URB1: variants seen among roughly 807,000 people sequenced by gnomAD.
The protein encoded by URB1 is URB1 ribosome biogenesis factor.
A neutral mutation model predicts 242.3 loss-of-function variants in URB1; 197 were observed. That is an observed-to-expected ratio of 0.81 (90% CI 0.72 to 0.91). URB1 has a LOEUF of 0.91. Ranked by LOEUF, URB1 falls within the 40% of genes least tolerant of loss-of-function variation. The probability of loss-of-function intolerance (pLI) is 0.00; values close to 1 mark genes in which losing one functional copy is unlikely to be tolerated. For missense variants in URB1, 2,721 were observed against 2,860.5 expected, an observed-to-expected ratio of 0.95 and a Z score of 1.11; for synonymous variants, 1,153 against 1,201.8, an observed-to-expected ratio of 0.96 and a Z score of 0.84.
At chr21:32,388,092 G>A (rs575762676) in intron 1 of URB1, among the ~76,000 whole-genome samples, 112 of 152,150 alleles carry the variant, frequency 7.4e-4, no homozygotes, top group Non-Finnish European at 1.4e-3. Context: ...CACATCTGCC[G>A]GGGACGCATG....
intron 9 of URB1, 28 bp downstream of exon 9, chr21:32,368,375 C>G: frequency 6.6e-7 from 1 of 1,506,516 alleles, no homozygotes; most frequent in African/African-American, 1.4e-5. Flanking sequence ...GCTTAGCTAA[C>G]AGACTTTTAA....
Position 32,314,646 on chromosome 21 carries a change from C to T in URB1, c.*272G>A, listed in dbSNP as rs140113354. The T allele has an allele frequency of 2.8e-3, 4,466 of 1,614,078 alleles. 38 individuals are homozygous for T. Among genetic ancestry groups the T allele is most frequent in the Middle Eastern group, 0.017 (106 of 6,060 alleles). ...CTCCAAGCCCCTAGAGAGGAAGGGG[C>T]GGCCTGACGAGGCACTGGATGGGCC... is the stretch of plus-strand genomic sequence containing the variant. On this transcript the variant is annotated 3_prime_UTR_variant, in exon 39 of 39. Coordinates refer to ENST00000382751, the MANE Select transcript of URB1 (RefSeq NM_014825.3).
At chr21:32,384,286 T>C in intron 3 of URB1, 27 bp downstream of exon 3, 1 of 1,542,516 alleles carries the variant, frequency 6.5e-7, no homozygotes, top group Non-Finnish European at 8.8e-7. Flanking sequence ...AGGCCCATCC[T>C]TTGTCACACC....
intron 28 of URB1, among the ~76,000 whole-genome samples, chr21:32,336,099 C>T (rs554824602): frequency 6.6e-6 from 1 of 152,328 alleles, no homozygotes; most frequent in East Asian, 1.9e-4. Flanking sequence ...ACATAACTGA[C>T]ATAGCACCAG....
At chr21:32,352,990 C>T (rs1485317544) in intron 18 of URB1, 84 bp from the exon 19 acceptor site, 5 of 1,392,676 alleles carry the variant, frequency 3.6e-6, no homozygotes, top group East Asian at 5.0e-5. Flanking sequence ...CTTCCACATA[C>T]AGGCAAGACC....
chr21:32,322,641 C>A, intron 32 of URB1, 57 bp from the exon 33 acceptor site: 1 of 1,294,622 alleles, frequency 7.7e-7, no homozygotes, highest in South Asian at 1.3e-5. Context: ...GCCCCCTGGT[C>A]TGGCAGCACT....
intron 30 of URB1, among the ~76,000 whole-genome samples, chr21:32,328,856 G>A (rs1276036133): frequency 2.6e-5 from 4 of 152,194 alleles, no homozygotes; most frequent in Non-Finnish European, 5.9e-5. Flanking sequence ...TTTAAAAATA[G>A]TTATAAATGC....
chr21:32,361,075 C>A lies in URB1; in HGVS notation c.1688G>T (p.Cys563Phe), dbSNP rs1316687788. The change falls in exon 13 of 39, where the codon TGC (cysteine) becomes TTC (phenylalanine). Residue 563 changes from cysteine to phenylalanine, a missense_variant. Transcript: ENST00000382751. ...GTGGGGGACCACCTTCTGGTAGAGG[C>A]ATATGACCTGGAGCAAAACAGCTTT... Reference protein sequence around the residue: ...LLKAVLLQVICLYQKVVPHVV... With the variant: ...LLKAVLLQVIFLYQKVVPHVV... 5.2e-6 allele frequency: 8 copies of A among 1,549,900 alleles called. No homozygotes were observed. Among genetic ancestry groups the A allele is most frequent in the Non-Finnish European group, 5.2e-6 (6 of 1,146,512 alleles).
chr21:32,327,981 GA>G lies in URB1; in HGVS notation c.4961-2593del, dbSNP rs370380483. ...TGTATGCACTCCAAAATAAAAGGCA[GA>G]GATGGTCAGATTAGATAAAAAGCAG... On this transcript the variant is annotated intron_variant, in intron 30 of 38. Transcript: ENST00000382751. Among the ~76,000 whole-genome samples, 220 of 152,330 alleles carry G rather than the reference GA, an allele frequency of 1.4e-3. 2 individuals are homozygous for G. The Middle Eastern group carries it at 0.027, about 19-fold the overall frequency.
intron 37 of URB1, among the ~76,000 whole-genome samples, chr21:32,317,353 G>A (rs180748965): frequency 2.8e-4 from 43 of 152,366 alleles, no homozygotes; most frequent in Admixed American, 6.5e-4. Context: ...CAGGAGGCCA[G>A]GTTCCAGTCT....
At chr21:32,341,337 C>A in intron 25 of URB1, 129 bp downstream of exon 25, 1 of 874,140 alleles carries the variant, frequency 1.1e-6, no homozygotes, top group Non-Finnish European at 1.7e-6. Context: ...CAACTTCTAT[C>A]TCTAAAAACG....
intron 14 of URB1, 33 bp downstream of exon 14, chr21:32,359,763 T>A (rs1405614178): frequency 2.6e-6 from 4 of 1,515,092 alleles, no homozygotes. Flanking sequence ...GCAGGTAAGC[T>A]TAGGGCAGAA....
At chr21:32,326,788 T>G (rs141311625) in intron 30 of URB1, among the ~76,000 whole-genome samples, 2 of 152,322 alleles carry the variant, frequency 1.3e-5, no homozygotes, top group Non-Finnish European at 2.9e-5. Flanking sequence ...ACACAGACTA[T>G]GAAACCATGA....
At position 32,321,960 on chromosome 21, in the gene URB1, A is replaced by G; in HGVS notation, c.5341-16T>C. 5.8e-6 allele frequency: 9 copies of G among 1,549,868 alleles called. No homozygotes were observed. The highest frequency in any genetic ancestry group is 1.4e-5 in the African/African-American group (1 of 73,156). On this transcript the variant is annotated splice_polypyrimidine_tract_variant and intron_variant, in intron 33 of 38. Transcript: ENST00000382751. Reference sequence around the variant, plus strand: ...CTGTTTTTTGCTATAACCCAGGCACACAAAAAACTGTTGTTAATAAGTGAA... The same window carrying G: ...CTGTTTTTTGCTATAACCCAGGCACGCAAAAAACTGTTGTTAATAAGTGAA...
chr21:32,370,918 G>A (rs995307859), intron 8 of URB1, among the ~76,000 whole-genome samples: 1 of 152,190 alleles, frequency 6.6e-6, no homozygotes, highest in Non-Finnish European at 1.5e-5. Flanking sequence ...TATGTGCCAG[G>A]CACTGTCCTA....
At chr21:32,370,054 G>A (rs1160470057) in intron 8 of URB1, among the ~76,000 whole-genome samples, 1 of 150,884 alleles carries the variant, frequency 6.6e-6, no homozygotes, top group African/African-American at 2.4e-5. Flanking sequence ...TAAAATCCCA[G>A]GATCCACACA....
At chr21:32,379,426 A>G (rs116869397) in intron 4 of URB1, among the ~76,000 whole-genome samples, 16 of 152,354 alleles carry the variant, frequency 1.1e-4, no homozygotes, top group Middle Eastern at 3.4e-3. Flanking sequence ...AGTTAATATC[A>G]CAACAAGTCA....
intron 18 of URB1, among the ~76,000 whole-genome samples, 153 bp downstream of exon 18, chr21:32,353,780 C>G (rs1203496125): frequency 6.6e-6 from 1 of 152,238 alleles, no homozygotes; most frequent in East Asian, 1.9e-4. Context: ...GCTCCTAGCT[C>G]TGCTGGCTGG....
At chr21:32,358,223 A>G (rs914276574) in intron 14 of URB1, among the ~76,000 whole-genome samples, 12 of 152,036 alleles carry the variant, frequency 7.9e-5, no homozygotes, top group African/African-American at 2.9e-4. Flanking sequence ...GAATCCTCCC[A>G]ACACCCCTGT....
Sources: gnomAD v4.1 joint callset for allele counts (sites outside exome capture counted in the v4.1 genomes callset) on GRCh38, gnomAD v4.1.1 for gene constraint, MANE v1.5 for transcripts, NCBI Gene and HGNC (gene_info 2026-07-23, HGNC 2026-07-21) for gene names.